Variants in ARHGAP10 observed in about 807,000 individuals in gnomAD.
The protein encoded by ARHGAP10 is rho GTPase-activating protein 10.
Under a neutral mutation model 108.6 loss-of-function variants are expected in ARHGAP10, and 87 were observed. That is an observed-to-expected ratio of 0.80 (90% CI 0.67 to 0.96). ARHGAP10 has a LOEUF of 0.96. ARHGAP10 is among the 40% of genes least tolerant of loss of function. The pLI is 0.00. For synonymous variants in ARHGAP10, 347 were observed against 341.1 expected (o/e 1.02, Z -0.19); for missense variants, 939 against 954.5 (o/e 0.98, Z 0.21).
At chr4:148,023,469 T>C (rs1741651950) in intron 19 of ARHGAP10, 56 bp downstream of exon 19, 2 of 1,560,466 alleles carry the variant, frequency 1.3e-6, no homozygotes, top group Admixed American at 3.5e-5. Flanking sequence ...TGGCGTATCA[T>C]ATGTCGTCAG....
intron 1 of ARHGAP10, among the ~76,000 whole-genome samples, chr4:147,780,211 C>T (rs180671966): frequency 2.6e-5 from 4 of 152,134 alleles, no homozygotes; most frequent in Non-Finnish European, 4.4e-5. Flanking sequence ...TTTCACTTCC[C>T]CTTTTCTGTG....
rs1279186858 is a variant in ARHGAP10, at chr4:147,766,775, CAT to C, written c.154+34327_154+34328del. ...TATTCATGCATATATATTTTGAGCT[CAT>C]ATATATTCATACATATATTCACATA... On this transcript the variant is annotated intron_variant, in intron 1 of 22. Transcript: ENST00000336498. Among the ~76,000 whole-genome samples, 724 of 140,244 alleles carry C rather than the reference CAT, an allele frequency of 5.2e-3. 1 individual carries two copies. The highest frequency in any genetic ancestry group is 6.9e-3 in the Non-Finnish European group (458 of 65,908). 92.0% of individuals were successfully genotyped at this position (140,244 alleles called of 152,430 possible).
At position 147,948,447 on chromosome 4, in the gene ARHGAP10, A is replaced by G. The variant is rs1374903797; in HGVS notation, c.1391+1743A>G. 3.9e-5 allele frequency among the ~76,000 whole-genome samples: 6 copies of G among 152,114 alleles called. 1 individual carries two copies. The highest frequency in any genetic ancestry group is 8.8e-5 in the Non-Finnish European group (6 of 68,012). ...AATCCTGCAGGATTTAAACTGTGCC[A>G]ACTTTTCACTTGGTTGATAGGTTTT... is the stretch of plus-strand genomic sequence containing the variant. On this transcript the variant is annotated intron_variant, in intron 15 of 22. Transcript: ENST00000336498.
intron 1 of ARHGAP10, among the ~76,000 whole-genome samples, chr4:147,734,644 C>A (rs889174396): frequency 1.3e-5 from 2 of 152,138 alleles, no homozygotes; most frequent in African/African-American, 4.8e-5. Context: ...CTGGTTAGGG[C>A]GTGGCTATAG....
In ARHGAP10 at chr4:148,023,416, A is replaced by G. The variant is rs771315027; in HGVS notation, c.1867+3A>G. The G allele has an allele frequency of 1.2e-6, 2 of 1,612,402 alleles. No homozygotes were observed. Among genetic ancestry groups the G allele is most frequent in the Admixed American group, 1.7e-5 (1 of 59,954 alleles). Reference sequence around the variant, plus strand: ...TCTTTGTCTGGAGCTGGAAGATGGTAAGATGTTAATGATATTTTTTGCTTG... The same window carrying G: ...TCTTTGTCTGGAGCTGGAAGATGGTGAGATGTTAATGATATTTTTTGCTTG... On this transcript the variant is annotated splice_donor_region_variant and intron_variant, in intron 19 of 22. Transcript: ENST00000336498.
At chr4:148,040,266 A>AAGAG (rs1459436061) in intron 19 of ARHGAP10, among the ~76,000 whole-genome samples, 1 of 152,188 alleles carries the variant, frequency 6.6e-6, no homozygotes, top group African/African-American at 2.4e-5. Flanking sequence ...TTTCCACATG[A>AAGAG]AGAGCCTGGC....
At chr4:147,943,626 C>A (rs1738253693) in intron 14 of ARHGAP10, among the ~76,000 whole-genome samples, 1 of 152,188 alleles carries the variant, frequency 6.6e-6, no homozygotes, top group South Asian at 2.1e-4. Flanking sequence ...CTCTTTTTAT[C>A]TGTGCTTGTT....
chr4:148,025,786 A>T (rs142892240), intron 19 of ARHGAP10, among the ~76,000 whole-genome samples: 1 of 152,164 alleles, frequency 6.6e-6, no homozygotes, highest in East Asian at 1.9e-4. Flanking sequence ...AACGACTTGA[A>T]GGTTTCAAAA....
At chr4:147,749,814 T>C (rs1037947136) in intron 1 of ARHGAP10, among the ~76,000 whole-genome samples, 4 of 152,248 alleles carry the variant, frequency 2.6e-5, no homozygotes, top group Non-Finnish European at 5.9e-5. Flanking sequence ...ATATTTGTTA[T>C]GTAAACTCTG....
At position 147,904,600 on chromosome 4, in the gene ARHGAP10, A is replaced by G. The variant is rs566664011; in HGVS notation, c.1035-2038A>G. ...GGCTGCATAGTATTCCATGATGTAT[A>G]TGTGCCACCTTTTCTTAATCCAGTC... On this transcript the variant is annotated intron_variant, in intron 10 of 22. Coordinates refer to ENST00000336498, the MANE Select transcript of ARHGAP10 (RefSeq NM_024605.4). Among the ~76,000 whole-genome samples, 436 of 152,276 alleles carry G rather than the reference A, an allele frequency of 2.9e-3. 2 individuals are homozygous for G. Among genetic ancestry groups the G allele is most frequent in the African/African-American group, 0.01 (418 of 41,546 alleles).
chr4:147,754,554 G>T (rs1418913895), intron 1 of ARHGAP10, among the ~76,000 whole-genome samples: 1 of 152,096 alleles, frequency 6.6e-6, no homozygotes, highest in African/African-American at 2.4e-5. Flanking sequence ...AGTTCCTTTG[G>T]ATGAATTTCT....
At chr4:147,813,489 G>T (rs551646492) in intron 1 of ARHGAP10, among the ~76,000 whole-genome samples, 1 of 152,286 alleles carries the variant, frequency 6.6e-6, no homozygotes, top group Non-Finnish European at 1.5e-5. Flanking sequence ...AAATCAGAAG[G>T]AAAAAGCCGT....
Position 147,869,998 on chromosome 4 carries a change from T to TTGTG in ARHGAP10, c.702+3226_702+3229dup, listed in dbSNP as rs1553958575. On this transcript the variant is annotated intron_variant, in intron 7 of 22. Transcript: ENST00000336498. Reference sequence around the variant, plus strand: ...ACATATTGTTGAAAAAAGTCCCAGTTTGTGTGTGTGTGTGTGTGTGTGTGT... The same window carrying TTGTG: ...ACATATTGTTGAAAAAAGTCCCAGTTTGTGTGTGTGTGTGTGTGTGTGTGTGTGT... Among the ~76,000 whole-genome samples, 90 of 93,090 alleles carry TTGTG rather than the reference T, an allele frequency of 9.7e-4. 1 individual carries two copies. The highest frequency in any genetic ancestry group is 5.2e-3 in the Middle Eastern group (1 of 192). The allele number at this position is 93,090 out of a possible 152,430, so 61.1% of individuals were successfully genotyped here. A position where few individuals can be genotyped will look rare whatever the true frequency, so the allele number is the denominator to read the frequency against.
intron 20 of ARHGAP10, 40 bp downstream of exon 20, chr4:148,047,091 G>T (rs760493071): frequency 6.2e-7 from 1 of 1,604,148 alleles, no homozygotes; most frequent in Non-Finnish European, 8.5e-7. Context: ...AAGGGTGGAA[G>T]CCCTGACTTT....
chr4:147,771,558 T>C (rs1457123296), intron 1 of ARHGAP10, among the ~76,000 whole-genome samples: 2 of 152,196 alleles, frequency 1.3e-5, no homozygotes, highest in Admixed American at 1.3e-4. Flanking sequence ...AATTTTTTTG[T>C]ACCCATTCAA....
chr4:147,936,195 G>A (rs1036198655), intron 13 of ARHGAP10, among the ~76,000 whole-genome samples: 1 of 152,052 alleles, frequency 6.6e-6, no homozygotes, highest in African/African-American at 2.4e-5. Flanking sequence ...AAAGAAGGAA[G>A]GATTGAGGCT....
At chr4:147,982,132 G>C (rs1251493410) in intron 18 of ARHGAP10, among the ~76,000 whole-genome samples, 1 of 152,164 alleles carries the variant, frequency 6.6e-6, no homozygotes, top group African/African-American at 2.4e-5. Flanking sequence ...TGACTTCCCA[G>C]GCTCAAGTGA....
chr4:147,739,455 CCTTCAAATA>C (rs1728563220), intron 1 of ARHGAP10, among the ~76,000 whole-genome samples: 1 of 152,060 alleles, frequency 6.6e-6, no homozygotes, highest in South Asian at 2.1e-4. Flanking sequence ...GTGACTGCAG[CCTTCAAATA>C]CTTCAAATTA....
At chr4:148,015,476 C>A (rs151189627) in intron 18 of ARHGAP10, among the ~76,000 whole-genome samples, 1 of 152,262 alleles carries the variant, frequency 6.6e-6, no homozygotes, top group African/African-American at 2.4e-5. Context: ...TTTTAGTGAA[C>A]CAGAACAAAC....
Sources: allele counts gnomAD v4.1 joint callset (sites outside exome capture counted in the v4.1 genomes callset), GRCh38; gene constraint gnomAD v4.1.1; transcripts MANE v1.5; gene names NCBI Gene and HGNC (gene_info 2026-07-23, HGNC 2026-07-21).